Variants in OXCT1 observed in about 807,000 individuals in gnomAD.
OXCT1 encodes the protein succinyl-CoA:3-ketoacid coenzyme A transferase 1, mitochondrial.
In OXCT1, 27 loss-of-function variants were observed where a neutral mutation model predicts 69.6. That is an observed-to-expected ratio of 0.39 (90% CI 0.29 to 0.54). The LOEUF is 0.54. Ranked by LOEUF, OXCT1 falls within the 20% of genes least tolerant of loss-of-function variation. The pLI is 0.72. For missense variants in OXCT1, 437 were observed against 650.2 expected, an observed-to-expected ratio of 0.67 and a Z score of 3.57; for synonymous variants, 202 against 217.8, an observed-to-expected ratio of 0.93 and a Z score of 0.64.
At chr5:41,780,961 T>C (rs1287432609) in intron 13 of OXCT1, among the ~76,000 whole-genome samples, 1 of 152,010 alleles carries the variant, frequency 6.6e-6, no homozygotes, top group Admixed American at 6.6e-5. Context: ...TGCAGGGCAG[T>C]GGCGCGATCT....
At chr5:41,744,683 G>A (rs1011580451) in intron 15 of OXCT1, among the ~76,000 whole-genome samples, 2 of 152,044 alleles carry the variant, frequency 1.3e-5, no homozygotes, top group Admixed American at 6.6e-5. Flanking sequence ...AAGTGTTGTC[G>A]AATTTTGTCA....
At chr5:41,801,682 A>G (rs1386579963) in intron 10 of OXCT1, among the ~76,000 whole-genome samples, 2 of 152,108 alleles carry the variant, frequency 1.3e-5, no homozygotes, top group Non-Finnish European at 2.9e-5. Flanking sequence ...TGATTTGTAA[A>G]ATGTAGGCCT....
At chr5:41,767,448 T>C (rs747885367) in intron 13 of OXCT1, among the ~76,000 whole-genome samples, 5 of 151,884 alleles carry the variant, frequency 3.3e-5, no homozygotes, top group Non-Finnish European at 7.4e-5. Flanking sequence ...AGTATTCTGA[T>C]AAACTCAAAT....
chr5:41,777,160 G>A (rs1004680527), intron 13 of OXCT1, among the ~76,000 whole-genome samples: 1 of 152,182 alleles, frequency 6.6e-6, no homozygotes, highest in Admixed American at 6.5e-5. Context: ...GCTTATGCCT[G>A]TAATCCCAGC....
chr5:41,843,496 T>C (rs1216150991), intron 5 of OXCT1: 1 of 455,702 alleles, frequency 2.2e-6, no homozygotes, highest in Non-Finnish European at 4.4e-6. Flanking sequence ...GGGAATGCTA[T>C]TGATTTTTAT....
At position 41,780,982 on chromosome 5, in the gene OXCT1, C is replaced by A. The variant is rs149307099; in HGVS notation, c.1248+13021G>T. Among the ~76,000 whole-genome samples, 102 of 151,990 alleles carry A rather than the reference C, an allele frequency of 6.7e-4. 1 individual carries two copies. In the East Asian group the frequency reaches 0.018, roughly 28 times the overall value. On this transcript the variant is annotated intron_variant, in intron 13 of 16. Coordinates refer to ENST00000196371, the MANE Select transcript of OXCT1 (RefSeq NM_000436.4). The stretch of plus-strand genomic sequence containing the variant: ...GCAGTGGCGCGATCTTGGCTCACTG[C>A]AAGCTCTGCCTCCTGGGGTCACGCC...
At chr5:41,829,253 T>G (rs575019295) in intron 7 of OXCT1, among the ~76,000 whole-genome samples, 2 of 152,264 alleles carry the variant, frequency 1.3e-5, no homozygotes, top group East Asian at 1.9e-4. Context: ...ATGTGCATAT[T>G]TATAACATTT....
At chr5:41,795,806 A>G (rs946409003) in intron 11 of OXCT1, among the ~76,000 whole-genome samples, 4 of 152,230 alleles carry the variant, frequency 2.6e-5, no homozygotes, top group East Asian at 1.9e-4. Flanking sequence ...ATGTATATGT[A>G]TATCAAATCA....
intron 7 of OXCT1, among the ~76,000 whole-genome samples, chr5:41,810,541 A>G (rs1746923554): frequency 6.6e-6 from 1 of 152,018 alleles, no homozygotes. Flanking sequence ...GGCTTCTCTA[A>G]TTGGTACTTG....
Position 41,850,034 on chromosome 5 carries a change from C to G in OXCT1, c.560G>C (p.Arg187Thr). Residue 187 changes from arginine to threonine, a missense_variant, in exon 5 of 17, where the codon AGA becomes ACA. Around this residue, in one of 4 missense-constraint regions of OXCT1, gnomAD observed 252 missense variants for 397.4 expected, o/e 0.63. Transcript: ENST00000196371. ...DGSVAIASKPREVREFNGQHF... is the reference protein window; with the variant it reads ...DGSVAIASKPTEVREFNGQHF... ...CTGGTTAAGAGTGTTTCTTACCTCT[C>G]TTGGCTTACTGGCAATGGCAACACT... 6.2e-7 allele frequency: 1 copy of G among 1,613,894 alleles called. No homozygotes were observed. Among genetic ancestry groups the G allele is most frequent in the Non-Finnish European group, 8.5e-7 (1 of 1,179,838 alleles).
chr5:41,825,545 C>A (rs1016129793), intron 7 of OXCT1, among the ~76,000 whole-genome samples: 7 of 152,202 alleles, frequency 4.6e-5, no homozygotes, highest in Non-Finnish European at 8.8e-5. Flanking sequence ...GAAAACACTT[C>A]CTTCCACATA....
chr5:41,734,389 AC>A (rs1742786470), intron 16 of OXCT1, among the ~76,000 whole-genome samples: 2 of 152,348 alleles, frequency 1.3e-5, no homozygotes, highest in East Asian at 3.9e-4. Flanking sequence ...CACCTATTTT[AC>A]ATAGCTTAAG....
intron 7 of OXCT1, among the ~76,000 whole-genome samples, chr5:41,826,986 C>T (rs1001713196): frequency 2.0e-5 from 3 of 152,078 alleles, no homozygotes; most frequent in Admixed American, 1.3e-4. Context: ...ACATCTAAGG[C>T]CTGGGCATGT....
At chr5:41,744,034 G>A (rs1386091527) in intron 15 of OXCT1, among the ~76,000 whole-genome samples, 1 of 152,150 alleles carries the variant, frequency 6.6e-6, no homozygotes, top group Non-Finnish European at 1.5e-5. Flanking sequence ...TTGGTAGCTT[G>A]ATGGGGATAG....
chr5:41,796,580 G>C (rs553870222), intron 11 of OXCT1, among the ~76,000 whole-genome samples: 1 of 152,236 alleles, frequency 6.6e-6, no homozygotes, highest in South Asian at 2.1e-4. Flanking sequence ...TGAGTATGGA[G>C]AAAGAGTAAG....
chr5:41,863,640 A>G (rs1039575325), intron 1 of OXCT1, among the ~76,000 whole-genome samples: 1 of 152,186 alleles, frequency 6.6e-6, no homozygotes, highest in African/African-American at 2.4e-5. Flanking sequence ...TTCTAACTCC[A>G]TCATTTGTGG....
intron 7 of OXCT1, among the ~76,000 whole-genome samples, chr5:41,835,156 A>C (rs1748289905): frequency 1.3e-5 from 2 of 152,160 alleles, no homozygotes; most frequent in South Asian, 4.2e-4. Flanking sequence ...ATTAAAACTC[A>C]TAAGAAATTC....
chr5:41,737,458 C>T (rs1742942062), intron 16 of OXCT1, among the ~76,000 whole-genome samples: 1 of 151,950 alleles, frequency 6.6e-6, no homozygotes, highest in African/African-American at 2.4e-5. Context: ...AAAAACTGAA[C>T]ATTCTGTGGA....
At chr5:41,812,785 G>A (rs1747048408) in intron 7 of OXCT1, among the ~76,000 whole-genome samples, 1 of 151,932 alleles carries the variant, frequency 6.6e-6, no homozygotes, top group Admixed American at 6.6e-5. Flanking sequence ...ATTCCAAGAA[G>A]AGCTACCCAG....
Sources: gnomAD v4.1 joint callset for allele counts (sites outside exome capture counted in the v4.1 genomes callset) on GRCh38, gnomAD v4.1.1 for gene constraint, gnomAD v4.1.1 regional missense constraint, MANE v1.5 for transcripts, NCBI Gene and HGNC (gene_info 2026-07-23, HGNC 2026-07-21) for gene names.